Variants in CDH18 observed in about 807,000 individuals in gnomAD.
CDH18 encodes the protein cadherin 18, also known as cadherin-18.
In CDH18, 31 loss-of-function variants were observed where a neutral mutation model predicts 67.9. The ratio of observed to expected loss-of-function variants is 0.46; its 90% CI spans 0.34 to 0.62. The LOEUF is 0.62. CDH18 is among the 20% of genes least tolerant of loss of function. The pLI is 0.01. For synonymous variants in CDH18, 362 were observed against 347.2 expected, an observed-to-expected ratio of 1.04 and a Z score of -0.48; for missense variants, 890 against 975.5, an observed-to-expected ratio of 0.91 and a Z score of 1.17.
At chr5:19,739,742 G>A (rs1561192526) in intron 4 of CDH18, among the ~76,000 whole-genome samples, 1 of 152,228 alleles carries the variant, frequency 6.6e-6, no homozygotes, top group African/African-American at 2.4e-5. Context: ...GAATTAGAGT[G>A]CTGGCTGTGC....
intron 3 of CDH18, among the ~76,000 whole-genome samples, chr5:19,805,733 C>T (rs907235722): frequency 2.6e-5 from 4 of 152,014 alleles, no homozygotes; most frequent in East Asian, 1.9e-4. Flanking sequence ...TTTCAACAGA[C>T]ACAAAGTCGT....
intron 5 of CDH18, among the ~76,000 whole-genome samples, chr5:19,668,430 T>G (rs1328477718): frequency 4.6e-5 from 7 of 152,078 alleles, no homozygotes; most frequent in Non-Finnish European, 8.8e-5. Flanking sequence ...ATTAAAAGTT[T>G]CTCTGTTTTA....
In CDH18 at chr5:19,830,783, T is replaced by A. The variant is rs558767226; in HGVS notation, c.228+7976A>T. 4.9e-4 allele frequency among the ~76,000 whole-genome samples: 74 copies of A among 152,078 alleles called. 1 individual carries two copies. The highest frequency in any genetic ancestry group is 5.4e-4 in the Non-Finnish European group (37 of 67,972). ...AACAATAGCAAAGTTATGAAATCAATCTAAATGCCCATTAAGAGTATCCTG... is the reference window on the plus strand; with the variant it reads ...AACAATAGCAAAGTTATGAAATCAAACTAAATGCCCATTAAGAGTATCCTG... On this transcript the variant is annotated intron_variant, in intron 3 of 12. Transcript: ENST00000382275.
chr5:20,000,699 C>T (rs1375075581), intron 2 of CDH18, among the ~76,000 whole-genome samples: 1 of 151,892 alleles, frequency 6.6e-6, no homozygotes, highest in Non-Finnish European at 1.5e-5. Context: ...ATGATATATG[C>T]TGTACAGCCC....
intron 4 of CDH18, among the ~76,000 whole-genome samples, chr5:19,723,829 T>C (rs1249776356): frequency 1.3e-5 from 2 of 152,116 alleles, no homozygotes; most frequent in Non-Finnish European, 2.9e-5. Context: ...TTCTCCTGTC[T>C]CAGCCTCCTG....
At chr5:19,870,534 A>G (rs998492563) in intron 2 of CDH18, among the ~76,000 whole-genome samples, 4 of 152,076 alleles carry the variant, frequency 2.6e-5, no homozygotes, top group Non-Finnish European at 4.4e-5. Flanking sequence ...TCCTTATGTT[A>G]TAAGATGCTG....
At chr5:19,904,258 T>G (rs1790277549) in intron 2 of CDH18, among the ~76,000 whole-genome samples, 1 of 149,418 alleles carries the variant, frequency 6.7e-6, no homozygotes, top group Admixed American at 6.7e-5. Context: ...TGGGCGACAG[T>G]TAGACTCTGT....
At chr5:20,035,946 T>A (rs529525920) in intron 2 of CDH18, among the ~76,000 whole-genome samples, 1 of 152,192 alleles carries the variant, frequency 6.6e-6, no homozygotes, top group African/African-American at 2.4e-5. Flanking sequence ...TTCTCCATTT[T>A]GTTTTTGTAT....
chr5:20,298,913 T>C (rs748632384), intron 1 of CDH18, among the ~76,000 whole-genome samples: 1 of 151,966 alleles, frequency 6.6e-6, no homozygotes, highest in Non-Finnish European at 1.5e-5. Flanking sequence ...AAGAGAACAA[T>C]GCGCACAAAG....
At chr5:19,733,857 G>C (rs530373309) in intron 4 of CDH18, among the ~76,000 whole-genome samples, 1 of 152,264 alleles carries the variant, frequency 6.6e-6, no homozygotes, top group South Asian at 2.1e-4. Context: ...TTCCCCTCAG[G>C]GTGACACATC....
chr5:20,291,858 T>C (rs1208761712), intron 1 of CDH18, among the ~76,000 whole-genome samples: 2 of 152,216 alleles, frequency 1.3e-5, no homozygotes, highest in Non-Finnish European at 2.9e-5. Context: ...TACTTTACCA[T>C]AGAGAAACTT....
At chr5:20,575,273 A>AT (rs1259398162) in intron 1 of CDH18, among the ~76,000 whole-genome samples, 2 of 101,712 alleles carry the variant, frequency 2.0e-5, no homozygotes, top group African/African-American at 6.4e-5. Context: ...ACCTGGAGAT[A>AT]TTTTTTAAAT....
chr5:19,993,021 G>T (rs974810672), upstream of CDH18, among the ~76,000 whole-genome samples: 4 of 152,120 alleles, frequency 2.6e-5, no homozygotes, highest in African/African-American at 9.7e-5. Context: ...CTCCAAACCT[G>T]CCCTGAAACT....
At chr5:19,861,385 T>A (rs886196940) in intron 2 of CDH18, among the ~76,000 whole-genome samples, 1 of 152,062 alleles carries the variant, frequency 6.6e-6, no homozygotes, top group African/African-American at 2.4e-5. Context: ...GAGGCTAGGC[T>A]GGGTATACCA....
intron 1 of CDH18, among the ~76,000 whole-genome samples, chr5:20,418,658 ATT>A (rs5866425): frequency 6.6e-6 from 1 of 151,874 alleles, no homozygotes; most frequent in Non-Finnish European, 1.5e-5. Context: ...GATTTCAATA[ATT>A]TTTTTGTACA....
chr5:19,591,006 C>T lies in CDH18; in HGVS notation c.999+51G>A. ...TTCATGCCTCTGCCAAATTTCCATT[C>T]AGGAAAAGATGAGTGAGTTGCCTGA... On this transcript the variant is annotated intron_variant, in intron 7 of 12. Coordinates refer to ENST00000382275, the MANE Select transcript of CDH18 (RefSeq NM_004934.5). 2.5e-6 allele frequency: 3 copies of T among 1,202,084 alleles called. 1 individual carries two copies. In the South Asian group the frequency reaches 5.1e-5, roughly 20 times the overall value. 74.5% of individuals were successfully genotyped at this position (1,202,084 alleles called of 1,614,324 possible). A position where few individuals can be genotyped will look rare whatever the true frequency, so the allele number is the denominator to read the frequency against.
At chr5:20,423,640 G>A (rs1046428757) in intron 1 of CDH18, among the ~76,000 whole-genome samples, 1 of 150,740 alleles carries the variant, frequency 6.6e-6, no homozygotes, top group Non-Finnish European at 1.5e-5. Flanking sequence ...CTGTAACAAC[G>A]GTAGAATCAA....
intron 5 of CDH18, among the ~76,000 whole-genome samples, chr5:19,652,888 T>C (rs1446300200): frequency 6.6e-6 from 1 of 152,162 alleles, no homozygotes; most frequent in Non-Finnish European, 1.5e-5. Context: ...TGCATTCATT[T>C]ACAAGGACAG....
At chr5:19,915,701 A>G (rs1425898957) in intron 2 of CDH18, among the ~76,000 whole-genome samples, 1 of 152,122 alleles carries the variant, frequency 6.6e-6, no homozygotes, top group African/African-American at 2.4e-5. Context: ...GTTTGTTTAC[A>G]AGATAAATTA....
Sources: allele counts gnomAD v4.1 joint callset (sites outside exome capture counted in the v4.1 genomes callset), GRCh38; gene constraint gnomAD v4.1.1; transcripts MANE v1.5; gene names NCBI Gene and HGNC (gene_info 2026-07-23, HGNC 2026-07-21).